The following MICAL2 variants were observed in gnomAD, a reference collection of about 807,000 sequenced individuals.
MICAL2 encodes the protein microtubule associated monooxygenase, calponin and LIM domain containing 2, also known as [F-actin]-monooxygenase MICAL2.
In MICAL2, 77 loss-of-function variants were observed where a neutral mutation model predicts 127.3. The ratio of observed to expected loss-of-function variants is 0.60; its 90% CI spans 0.50 to 0.73. The LOEUF is 0.73. Among genes scored for constraint, MICAL2 ranks in the 30% least tolerant of loss-of-function variants. The probability of loss-of-function intolerance (pLI) is 0.00; values close to 1 mark genes in which losing one functional copy is unlikely to be tolerated. For synonymous variants in MICAL2, 570 were observed against 551.1 expected, an observed-to-expected ratio of 1.03 and a Z score of -0.48; for missense variants, 1,351 against 1,434.4, an observed-to-expected ratio of 0.94 and a Z score of 0.94.
At chr11:12,356,795 C>T (rs1212115444) in intron 34 of MICAL2, among the ~76,000 whole-genome samples, 1 of 152,250 alleles carries the variant, frequency 6.6e-6, no homozygotes, top group Non-Finnish European at 1.5e-5. Context: ...AGGCTCCGCC[C>T]ATGCCGCATA....
At chr11:12,122,447 C>A (rs979709992) in intron 1 of MICAL2, among the ~76,000 whole-genome samples, 2 of 152,172 alleles carry the variant, frequency 1.3e-5, no homozygotes, top group African/African-American at 2.4e-5. Flanking sequence ...AGTCTCACTC[C>A]GTCACCCAGG....
At chr11:12,206,503 A>G (rs918175613) in intron 4 of MICAL2, among the ~76,000 whole-genome samples, 16 of 152,154 alleles carry the variant, frequency 1.1e-4, no homozygotes, top group Non-Finnish European at 1.0e-4. Flanking sequence ...GACTATAAGG[A>G]AAGGCCAGGT....
intron 21 of MICAL2, among the ~76,000 whole-genome samples, chr11:12,247,756 T>C (rs1302342869): frequency 2.0e-5 from 3 of 152,232 alleles, no homozygotes; most frequent in Admixed American, 1.3e-4. Context: ...GAACTGGCTG[T>C]TCCTTAAAGT....
intron 1 of MICAL2, among the ~76,000 whole-genome samples, chr11:12,135,430 C>G (rs2133582190): frequency 6.6e-6 from 1 of 152,166 alleles, no homozygotes; most frequent in East Asian, 1.9e-4. Flanking sequence ...AAGCAGAGGG[C>G]TCCAGAAGTG....
downstream of MICAL2, among the ~76,000 whole-genome samples, chr11:12,265,914 G>A (rs368154896): frequency 5.9e-5 from 9 of 152,034 alleles, no homozygotes; most frequent in African/African-American, 9.7e-5. Context: ...TCAGGAGTTC[G>A]TGACCAGCCT....
At chr11:12,297,767 ATC>A (rs1864003191) in intron 29 of MICAL2, among the ~76,000 whole-genome samples, 1 of 151,934 alleles carries the variant, frequency 6.6e-6, no homozygotes, top group African/African-American at 2.4e-5. Context: ...TCAGTGAATA[ATC>A]TCTCTTTCCC....
chr11:12,212,127 ATC>A (rs1203192509), intron 6 of MICAL2, among the ~76,000 whole-genome samples: 3 of 152,252 alleles, frequency 2.0e-5, no homozygotes, highest in Admixed American at 2.0e-4. Flanking sequence ...ATTCAGGTGC[ATC>A]AGCCATACAG....
chr11:12,149,723 G>T (rs1019037714), intron 2 of MICAL2, among the ~76,000 whole-genome samples: 1 of 152,186 alleles, frequency 6.6e-6, no homozygotes, highest in Non-Finnish European at 1.5e-5. Flanking sequence ...GGGTTGCAAG[G>T]GAAATTGGCC....
chr11:12,157,698 A>T (rs1224688825), intron 2 of MICAL2, among the ~76,000 whole-genome samples: 2 of 34,404 alleles, frequency 5.8e-5, no homozygotes, highest in Non-Finnish European at 1.2e-4. Context: ...ATCCTCTGAT[A>T]AAAAAAAAAA....
intron 5 of MICAL2, among the ~76,000 whole-genome samples, chr11:12,209,097 C>A (rs1056289405): frequency 1.3e-5 from 2 of 152,106 alleles, no homozygotes; most frequent in African/African-American, 4.8e-5. Flanking sequence ...AAAGTGGTTT[C>A]CTTACACCCT....
At chr11:12,149,970 CA>C (rs1265554560) in intron 2 of MICAL2, among the ~76,000 whole-genome samples, 2 of 152,098 alleles carry the variant, frequency 1.3e-5, no homozygotes, top group African/African-American at 4.8e-5. Flanking sequence ...GATAAGGCCC[CA>C]TAAGTGGCGG....
intron 29 of MICAL2, among the ~76,000 whole-genome samples, chr11:12,312,993 C>T (rs953035720): frequency 6.6e-6 from 1 of 151,770 alleles, no homozygotes. Flanking sequence ...GGTGAAACCC[C>T]GTCTCTACTA....
intron 2 of MICAL2, among the ~76,000 whole-genome samples, chr11:12,155,806 G>A (rs1484674120): frequency 1.3e-5 from 2 of 152,206 alleles, no homozygotes; most frequent in Non-Finnish European, 2.9e-5. Context: ...GGGCCCTGAT[G>A]ACGTTGGCTT....
intron 1 of MICAL2, among the ~76,000 whole-genome samples, chr11:12,136,217 C>T (rs192678669): frequency 7.9e-5 from 12 of 152,260 alleles, no homozygotes; most frequent in African/African-American, 2.9e-4. Flanking sequence ...CAAGGAGAGA[C>T]AGCATTTCTT....
At chr11:12,115,978 C>CTTTTT (rs1201204008) in intron 1 of MICAL2, among the ~76,000 whole-genome samples, 2 of 134,692 alleles carry the variant, frequency 1.5e-5, no homozygotes, top group Non-Finnish European at 1.6e-5. Flanking sequence ...CTTTCCCTTT[C>CTTTTT]TTTTTTTTTT....
chr11:12,341,664 GA>G, intron 32 of MICAL2, among the ~76,000 whole-genome samples: 1 of 151,848 alleles, frequency 6.6e-6, no homozygotes, highest in Middle Eastern at 3.4e-3. Flanking sequence ...CCATCTCTAC[GA>G]AAAATATAAA....
intron 32 of MICAL2, among the ~76,000 whole-genome samples, chr11:12,329,682 G>T (rs1317129191): frequency 1.3e-5 from 2 of 152,090 alleles, no homozygotes; most frequent in Admixed American, 1.3e-4. Flanking sequence ...GTCTCTACCG[G>T]AGTATTGCCT....
intron 9 of MICAL2, among the ~76,000 whole-genome samples, chr11:12,221,399 C>T (rs188041134): frequency 1.2e-4 from 18 of 152,346 alleles, no homozygotes; most frequent in Admixed American, 7.2e-4. Context: ...GAATTCGTCT[C>T]GCCTTTTCTG....
At chr11:12,324,889 C>A (rs751348107) in intron 31 of MICAL2, among the ~76,000 whole-genome samples, 10 of 152,182 alleles carry the variant, frequency 6.6e-5, no homozygotes, top group Non-Finnish European at 1.3e-4. Flanking sequence ...CTACTTGCAA[C>A]CTCTAAAACA....
Sources: allele counts gnomAD v4.1 joint callset (sites outside exome capture counted in the v4.1 genomes callset), GRCh38; gene constraint gnomAD v4.1.1; transcripts MANE v1.5; gene names NCBI Gene and HGNC (gene_info 2026-07-23, HGNC 2026-07-21).